DLGAP1: variants seen among roughly 807,000 people sequenced by gnomAD.
DLGAP1 encodes disks large-associated protein 1.
DLGAP1 carries 11 observed loss-of-function variants against 90.8 expected under a neutral mutation model. That is an observed-to-expected ratio of 0.12 (90% CI 0.08 to 0.20). The LOEUF is 0.20. DLGAP1 is among the 10% of genes least tolerant of loss of function. DLGAP1 has a pLI of 1.00. For synonymous variants in DLGAP1, 558 were observed against 540.7 expected (o/e 1.03, Z -0.44); for missense variants, 1,050 against 1,333.8 (o/e 0.79, Z 3.31).
chr18:3,541,187 T>C (rs1480668630), intron 9 of DLGAP1, among the ~76,000 whole-genome samples: 6 of 152,168 alleles, frequency 3.9e-5, no homozygotes. Flanking sequence ...CCGATGGTTT[T>C]CTTTCTGCAC....
At chr18:3,967,155 C>A (rs555503096) in intron 3 of DLGAP1, among the ~76,000 whole-genome samples, 1 of 152,290 alleles carries the variant, frequency 6.6e-6, no homozygotes, top group Non-Finnish European at 1.5e-5. Flanking sequence ...CAGTGCCTGT[C>A]TACATTGGTG....
chr18:3,685,481 G>A (rs28414908), intron 7 of DLGAP1, among the ~76,000 whole-genome samples: 40,930 of 147,578 alleles, frequency 0.28, 7,092 homozygotes, highest in African/African-American at 0.5. Flanking sequence ...GGAGAATGGC[G>A]TGAACCCGGG....
rs148161456 is a variant in DLGAP1, at chr18:3,534,814, C to G, written c.2058-199G>C. Among the ~76,000 whole-genome samples, 1,367 of 151,680 alleles carry G rather than the reference C, an allele frequency of 9.0e-3. 17 individuals are homozygous for G. Among genetic ancestry groups the G allele is most frequent in the African/African-American group, 0.03 (1,254 of 41,316 alleles). On this transcript the variant is annotated intron_variant, in intron 9 of 12. Coordinates refer to ENST00000315677, the MANE Select transcript of DLGAP1 (RefSeq NM_004746.4). ...TCAAGCGATTCTCCCACCTCAGCCT[C>G]CCGAGTAGCTGAGATTACAGGTGTA... is the stretch of plus-strand genomic sequence containing the variant.
intron 1 of DLGAP1, among the ~76,000 whole-genome samples, chr18:4,424,099 C>T (rs963339903): frequency 3.3e-5 from 5 of 152,056 alleles, no homozygotes; most frequent in South Asian, 2.1e-4. Flanking sequence ...TGCAGTGAGC[C>T]GAGATCATGC....
intron 2 of DLGAP1, among the ~76,000 whole-genome samples, chr18:4,055,502 T>A (rs1360287635): frequency 6.6e-6 from 1 of 152,140 alleles, no homozygotes; most frequent in Non-Finnish European, 1.5e-5. Flanking sequence ...GTGTACTCAA[T>A]GTTTTAGCTC....
chr18:3,897,932 C>T (rs1049606029), intron 3 of DLGAP1, among the ~76,000 whole-genome samples: 3 of 151,462 alleles, frequency 2.0e-5, no homozygotes, highest in Non-Finnish European at 2.9e-5. Flanking sequence ...GTAGCTGGGA[C>T]TACAGGCGCC....
At chr18:3,511,741 T>C (rs146429519) in intron 10 of DLGAP1, among the ~76,000 whole-genome samples, 46 of 152,302 alleles carry the variant, frequency 3.0e-4, no homozygotes, top group African/African-American at 1.1e-3. Flanking sequence ...GAATTTGTTT[T>C]CTTTTTCCCT....
At chr18:3,702,028 C>T (rs1005452965) in intron 7 of DLGAP1, among the ~76,000 whole-genome samples, 2 of 152,090 alleles carry the variant, frequency 1.3e-5, no homozygotes, top group Admixed American at 1.3e-4. Flanking sequence ...CCTGACACTA[C>T]CTTTATTTTA....
At chr18:4,414,490 G>C (rs1324906344) in intron 1 of DLGAP1, among the ~76,000 whole-genome samples, 2 of 152,130 alleles carry the variant, frequency 1.3e-5, no homozygotes, top group Non-Finnish European at 2.9e-5. Context: ...TTGGAAGGCT[G>C]AGATGGGTGG....
intron 10 of DLGAP1, among the ~76,000 whole-genome samples, chr18:3,530,473 T>A (rs2051917568): frequency 6.6e-6 from 1 of 151,880 alleles, no homozygotes; most frequent in African/African-American, 2.4e-5. Context: ...AGAACACCAA[T>A]CAGGAAGCTA....
intron 3 of DLGAP1, chr18:3,978,436 G>T: frequency 3.3e-6 from 1 of 304,440 alleles, no homozygotes; most frequent in South Asian, 3.5e-5. Context: ...TCTCAGTCTT[G>T]ACAGTGCTGT....
rs77288980 is a variant in DLGAP1, at chr18:3,556,374, T to C, written c.2057+11116A>G. Among the ~76,000 whole-genome samples, 316 of 152,332 alleles carry C rather than the reference T, an allele frequency of 2.1e-3. No homozygotes were observed. In the East Asian group the frequency reaches 0.022, roughly 10 times the overall value. On this transcript the variant is annotated intron_variant, in intron 9 of 12. Transcript: ENST00000315677. ...CATTCTCGTATCCACCGTTGCATTA[T>C]ACATTCAGAATCGTTTCACTGCCCC...
rs1266294636 is a variant in DLGAP1 at position 3,772,457 on chromosome 18, C to CT, written c.1173-29946_1173-29945insA. Among the ~76,000 whole-genome samples the CT allele has an allele frequency of 2.3e-3, 98 of 43,454 alleles. 3 individuals carry two copies. Among genetic ancestry groups the CT allele is most frequent in the African/African-American group, 5.9e-3 (92 of 15,536 alleles). The allele number at this position is 43,454 out of a possible 152,430, so 28.5% of individuals were successfully genotyped here. A position where few individuals can be genotyped will look rare whatever the true frequency, so the allele number is the denominator to read the frequency against. ...TCCCTCCCTCCCTCCCCCCCACCCC[C>CT]CTCTTTCTTTCTTTCTTTCTTTCTT... On this transcript the variant is annotated intron_variant, in intron 5 of 12. Coordinates refer to ENST00000315677, the MANE Select transcript of DLGAP1 (RefSeq NM_004746.4).
At chr18:3,636,931 G>C (rs572562670) in intron 7 of DLGAP1, among the ~76,000 whole-genome samples, 14 of 150,620 alleles carry the variant, frequency 9.3e-5, no homozygotes, top group African/African-American at 2.9e-4. Context: ...CACCATGTTG[G>C]CCAGGATGGT....
chr18:4,219,127 C>A (rs925023815), intron 1 of DLGAP1, among the ~76,000 whole-genome samples: 4 of 149,220 alleles, frequency 2.7e-5, no homozygotes, highest in Non-Finnish European at 3.0e-5. Context: ...TTCTCCACAC[C>A]CTTGTCAACA....
intron 5 of DLGAP1, among the ~76,000 whole-genome samples, chr18:3,786,653 T>C (rs1400612845): frequency 6.6e-6 from 1 of 152,140 alleles, no homozygotes; most frequent in Non-Finnish European, 1.5e-5. Flanking sequence ...GGTGAGAACA[T>C]GGGGCCCTCA....
At chr18:4,061,160 G>T (rs184387410) in intron 2 of DLGAP1, among the ~76,000 whole-genome samples, 2 of 152,254 alleles carry the variant, frequency 1.3e-5, no homozygotes, top group Admixed American at 6.5e-5. Context: ...AGTAAAAGTT[G>T]CCAAGAGTTA....
chr18:3,759,883 A>G (rs2063879214), intron 5 of DLGAP1, among the ~76,000 whole-genome samples: 1 of 152,244 alleles, frequency 6.6e-6, no homozygotes, highest in Non-Finnish European at 1.5e-5. Flanking sequence ...AGACATAGTC[A>G]TTCCAGATCC....
At chr18:3,944,325 A>G (rs1166399159) in intron 3 of DLGAP1, among the ~76,000 whole-genome samples, 3 of 152,156 alleles carry the variant, frequency 2.0e-5, no homozygotes, top group Non-Finnish European at 4.4e-5. Context: ...GTGAAACCCC[A>G]TCTCTACTAA....
Sources: gnomAD v4.1 joint callset for allele counts (sites outside exome capture counted in the v4.1 genomes callset) on GRCh38, gnomAD v4.1.1 for gene constraint, MANE v1.5 for transcripts, NCBI Gene and HGNC (gene_info 2026-07-23, HGNC 2026-07-21) for gene names.